Variants in UBR4 observed in about 807,000 individuals in gnomAD.
The protein encoded by UBR4 is E3 ubiquitin-protein ligase UBR4.
In UBR4, 124 loss-of-function variants were observed where a neutral mutation model predicts 575.6. The ratio of observed to expected loss-of-function variants is 0.22; its 90% CI spans 0.19 to 0.25. UBR4 has a LOEUF of 0.25. UBR4 is among the 10% of genes least tolerant of loss of function. The pLI is 1.00. For synonymous variants in UBR4, 2,455 were observed against 2,473.7 expected (o/e 0.99, Z 0.22); for missense variants, 4,818 against 6,478.8 (o/e 0.74, Z 8.80).
chr1:19,172,988 C>A lies in UBR4; in HGVS notation c.3397G>T (p.Val1133Phe). 6.2e-7 allele frequency: 1 copy of A among 1,614,106 alleles called. No homozygotes were observed. Among genetic ancestry groups the A allele is most frequent in the Non-Finnish European group, 8.5e-7 (1 of 1,180,022 alleles). Residue 1133 changes from valine (V) to phenylalanine (F), a missense_variant, in exon 25 of 106, where the codon GTC becomes TTC. Physicochemically the swap from Val to Phe is conservative, Grantham distance 50. This residue lies in a region of UBR4 where 1,172 missense variants were observed against 1,259.7 expected (regional missense o/e 0.93). Transcript: ENST00000375254. ...TTAGAAAAATGCTCATCCAAAGAGA[C>A]CTGGACCTTTGAGATCGCGGCATCA... ...TLDAAISKVQ[V>F]SLDEHFSKMA...
chr1:19,197,680 C>G lies in UBR4; in HGVS notation c.883G>C (p.Val295Leu). 6.2e-7 allele frequency: 1 copy of G among 1,614,062 alleles called. No homozygotes were observed. Among genetic ancestry groups the G allele is most frequent in the Non-Finnish European group, 8.5e-7 (1 of 1,180,006 alleles). The change falls in exon 7 of 106, where the codon GTT (valine) becomes CTT (leucine). Residue 295 changes from valine to leucine, a missense_variant. Physicochemically the swap from Val to Leu is conservative, Grantham distance 32. Coordinates refer to ENST00000375254, the MANE Select transcript of UBR4 (RefSeq NM_020765.3). ...TGTGAAGCACCTTACCCATTACGAACAGCAGTGGCATCTGCTACTGTTGCA... is the reference window on the plus strand; with the variant it reads ...TGTGAAGCACCTTACCCATTACGAAGAGCAGTGGCATCTGCTACTGTTGCA... ...MPATVADATAVRNGFHSLVID... is the reference protein window; with the variant it reads ...MPATVADATALRNGFHSLVID...
At position 19,151,631 on chromosome 1, in the gene UBR4, T is replaced by G. The variant is rs372865219; in HGVS notation, c.7213+12A>C. 451 of 1,613,754 alleles carry G rather than the reference T, an allele frequency of 2.8e-4. 3 individuals carry two copies. The highest frequency in any genetic ancestry group is 2.7e-5 in the Non-Finnish European group (32 of 1,179,834). The stretch of plus-strand genomic sequence containing the variant: ...ATGAGGACAGAGTCTGCACCAGGGG[T>G]TGGTGACTCACTGAAGAGGTTCAGC... On this transcript the variant is annotated intron_variant, in intron 48 of 105. Transcript: ENST00000375254.
chr1:19,167,334 G>C (rs982614597), intron 28 of UBR4, 103 bp from the exon 29 acceptor site: 2 of 1,254,722 alleles, frequency 1.6e-6, no homozygotes, highest in Non-Finnish European at 1.1e-6. Flanking sequence ...GAGGGGAAGG[G>C]GAATTGCGCA....
chr1:19,177,788 T>G (rs756556469), intron 18 of UBR4, 45 bp from the exon 19 acceptor site: 1 of 1,589,564 alleles, frequency 6.3e-7, no homozygotes. Flanking sequence ...AAAAAGAGCA[T>G]TCCCCAGGAG....
intron 38 of UBR4, 30 bp from the exon 39 acceptor site, chr1:19,160,311 A>G (rs201508587): frequency 1.2e-3 from 433 of 347,524 alleles, no homozygotes; most frequent in Admixed American, 2.5e-3. Flanking sequence ...TACACCAGTG[A>G]AAAAAAAAAA....
intron 27 of UBR4, 69 bp downstream of exon 27, chr1:19,169,366 T>G: frequency 7.2e-7 from 1 of 1,394,210 alleles, no homozygotes; most frequent in East Asian, 2.4e-5. Context: ...CTAATTCCTT[T>G]AGGCTTAAGA....
rs535369262 is a variant in UBR4 at position 19,166,714 on chromosome 1, CAAAAAAAAAAAAAAAAAAAAAA to C, written c.4109+286_4109+307del. Among the ~76,000 whole-genome samples the C allele has an allele frequency of 5.0e-3, 366 of 73,742 alleles. 3 individuals are homozygous for C. Among genetic ancestry groups the C allele is most frequent in the African/African-American group, 0.022 (334 of 15,122 alleles). The allele number at this position is 73,742 out of a possible 152,430, so 48.4% of individuals were successfully genotyped here. A position where few individuals can be genotyped will look rare whatever the true frequency, so the allele number is the denominator to read the frequency against. On this transcript the variant is annotated intron_variant, in intron 29 of 105. Coordinates refer to ENST00000375254, the MANE Select transcript of UBR4 (RefSeq NM_020765.3). ...ACAACATGGCAAACTCCATCTCTAC[CAAAAAAAAAAAAAAAAAAAAAA>C]AAAAAAAAAAAAAAAAAAAACCAGC...
intron 27 of UBR4, among the ~76,000 whole-genome samples, chr1:19,168,903 G>A (rs35462475): frequency 0.44 from 66,595 of 151,210 alleles, 15,140 homozygotes; most frequent in East Asian, 0.76. Flanking sequence ...GTGTGAACCC[G>A]GGAGGCGGAG....
At chr1:19,142,397 G>C (rs1571026447) in intron 55 of UBR4, among the ~76,000 whole-genome samples, 1 of 152,192 alleles carries the variant, frequency 6.6e-6, no homozygotes, top group South Asian at 2.1e-4. Context: ...GAAGAGGATA[G>C]AGACCTCACC....
intron 44 of UBR4, among the ~76,000 whole-genome samples, chr1:19,154,677 G>C (rs2086203042): frequency 6.6e-6 from 1 of 152,276 alleles, no homozygotes; most frequent in East Asian, 1.9e-4. Context: ...AGTAACAGTG[G>C]ACCCCTAAAC....
Position 19,155,538 on chromosome 1 carries a change from C to G in UBR4, c.6203G>C (p.Gly2068Ala), listed in dbSNP as rs370260035. 6.2e-7 allele frequency: 1 copy of G among 1,614,074 alleles called. No homozygotes were observed. The highest frequency in any genetic ancestry group is 1.1e-5 in the South Asian group (1 of 91,076). ...KNIIVIMSSA[G>A]YIYTQLMEEA... is the part of the protein sequence containing the mutation. ...TTCCATAAGCTGAGTATAGATGTAC[C>G]CAGCCGAAGACATTATAACAATGAT... Residue 2068 changes from glycine (G) to alanine (A), a missense_variant, in exon 43 of 106, where the codon GGG becomes GCG. By Grantham distance (60) the Gly-to-Ala change is moderately conservative. Coordinates refer to ENST00000375254, the MANE Select transcript of UBR4 (RefSeq NM_020765.3).
At chr1:19,158,481 T>A (rs1006743105) in intron 39 of UBR4, among the ~76,000 whole-genome samples, 1 of 152,096 alleles carries the variant, frequency 6.6e-6, no homozygotes, top group African/African-American at 2.4e-5. Flanking sequence ...GGTTTCTCTC[T>A]GTCACCCAGG....
At position 19,186,289 on chromosome 1, in the gene UBR4, T is replaced by C. The variant is rs76000272; in HGVS notation, c.1750+251A>G. Among the ~76,000 whole-genome samples, 2,991 of 152,280 alleles carry C rather than the reference T, an allele frequency of 0.02. 41 individuals carry two copies. Among genetic ancestry groups the C allele is most frequent in the South Asian group, 0.055 (266 of 4,820 alleles). On this transcript the variant is annotated intron_variant, in intron 14 of 105. Transcript: ENST00000375254. ...ATGGAACAATTGAGATGTTTTCTGA[T>C]TTTGGAGGGAAAGGAATGAAAAGTA... is the stretch of plus-strand genomic sequence containing the variant.
chr1:19,192,094 T>G, intron 11 of UBR4, 94 bp downstream of exon 11: 1 of 1,441,882 alleles, frequency 6.9e-7, no homozygotes, highest in Non-Finnish European at 9.3e-7. Flanking sequence ...GAAGGCAAAT[T>G]TTCCTATTGA....
rs567130591 is a variant in UBR4 at position 19,106,630 on chromosome 1, C to T, written c.12332G>A (p.Arg4111His). The T allele has an allele frequency of 6.0e-5, 96 of 1,605,928 alleles. No homozygotes were observed. In the Middle Eastern group the frequency reaches 9.9e-4, roughly 17 times the overall value. ...CAAGGGGGAGGTCCTCTTCCCCCGA[C>T]GACTCAGGAACTGTTTCCACCTCCA... ...YVWRWKQFLS[R>H]RGKRTSPLDL... The change falls in exon 83 of 106, where the codon CGT becomes CAT. Residue 4111 changes from arginine (R) to histidine (H), a missense_variant. By Grantham distance (29) the Arg-to-His change is conservative (BLOSUM62 0). This residue lies in a region of UBR4 where 178 missense variants were observed against 175.5 expected (regional missense o/e 1.01). Transcript: ENST00000375254.
At chr1:19,169,657 A>T (rs1307290770) in intron 26 of UBR4, 125 bp from the exon 27 acceptor site, 8 of 643,114 alleles carry the variant, frequency 1.2e-5, no homozygotes, top group South Asian at 9.5e-5. Flanking sequence ...AATTAGTAAG[A>T]TAGCTTAGAT....
intron 34 of UBR4, 126 bp from the exon 35 acceptor site, chr1:19,162,737 G>A: frequency 8.4e-7 from 1 of 1,195,728 alleles, no homozygotes; most frequent in Non-Finnish European, 1.1e-6. Context: ...AAGAAAAACA[G>A]TGTGTTTTTA....
At chr1:19,162,752 T>C (rs978777324) in intron 34 of UBR4, 141 bp from the exon 35 acceptor site, 11 of 1,093,172 alleles carry the variant, frequency 1.0e-5, no homozygotes, top group Non-Finnish European at 1.4e-5. Flanking sequence ...TTTTTATTTA[T>C]TAACCAGGTT....
intron 44 of UBR4, among the ~76,000 whole-genome samples, chr1:19,154,282 C>A (rs752646854): frequency 6.6e-6 from 1 of 152,198 alleles, no homozygotes; most frequent in Admixed American, 6.5e-5. Context: ...CCAAACACAT[C>A]GAGTTAGTGT....
Sources: gnomAD v4.1 joint callset for allele counts (sites outside exome capture counted in the v4.1 genomes callset) on GRCh38, gnomAD v4.1.1 for gene constraint, gnomAD v4.1.1 regional missense constraint, MANE v1.5 for transcripts, NCBI Gene and HGNC (gene_info 2026-07-23, HGNC 2026-07-21) for gene names.